PPP1R21: variants seen among roughly 807,000 people sequenced by gnomAD.
PPP1R21 encodes the protein protein phosphatase 1 regulatory subunit 21.
In PPP1R21, 85 loss-of-function variants were observed where a neutral mutation model predicts 112.8. The observed-to-expected ratio is 0.75, with a 90% CI of 0.63 to 0.90. The LOEUF is 0.90. Ranked by LOEUF, PPP1R21 falls within the 40% of genes least tolerant of loss-of-function variation. The probability of loss-of-function intolerance (pLI) is 0.00; values close to 1 mark genes in which losing one functional copy is unlikely to be tolerated. For missense variants in PPP1R21, 1,199 were observed against 901.5 expected (o/e 1.33, Z -4.23); for synonymous variants, 381 against 322.3 (o/e 1.18, Z -1.95).
At chr2:48,498,848 C>T in intron 17 of PPP1R21, 113 bp downstream of exon 17, 1 of 1,083,300 alleles carries the variant, frequency 9.2e-7, no homozygotes, top group Non-Finnish European at 1.3e-6. Context: ...TATCAAAATA[C>T]CATAAGCTGA....
intron 2 of PPP1R21, among the ~76,000 whole-genome samples, chr2:48,451,734 T>TGCC (rs1667474541): frequency 6.6e-6 from 1 of 152,186 alleles, no homozygotes; most frequent in Admixed American, 6.5e-5. Flanking sequence ...AAGTTTCAGT[T>TGCC]AAATATACTG....
chr2:48,495,527 CT>C, intron 15 of PPP1R21, 151 bp from the exon 16 acceptor site: 3 of 558,410 alleles, frequency 5.4e-6, no homozygotes. Flanking sequence ...AAAAAATTAT[CT>C]TCGTTTTCAC....
At chr2:48,477,023 C>A (rs962884163) in intron 12 of PPP1R21, among the ~76,000 whole-genome samples, 1 of 150,596 alleles carries the variant, frequency 6.6e-6, no homozygotes, top group Non-Finnish European at 1.5e-5. Context: ...GCTGTCAAAT[C>A]TGAGGTTATG....
At chr2:48,497,277 T>C (rs922603145) in intron 16 of PPP1R21, among the ~76,000 whole-genome samples, 1 of 152,194 alleles carries the variant, frequency 6.6e-6, no homozygotes, top group Non-Finnish European at 1.5e-5. Flanking sequence ...CCCCACATAT[T>C]TTGGGGTCAC....
chr2:48,513,995 T>C (rs1670755770), intron 21 of PPP1R21, among the ~76,000 whole-genome samples: 1 of 152,116 alleles, frequency 6.6e-6, no homozygotes, highest in African/African-American at 2.4e-5. Flanking sequence ...TGGGTGTTAG[T>C]TAGCACATAT....
At chr2:48,463,260 C>G (rs1234234282) in intron 7 of PPP1R21, among the ~76,000 whole-genome samples, 1 of 152,018 alleles carries the variant, frequency 6.6e-6, no homozygotes, top group Non-Finnish European at 1.5e-5. Context: ...GATCAGGAGG[C>G]AGAGGGGAGC....
intron 13 of PPP1R21, among the ~76,000 whole-genome samples, chr2:48,481,207 T>G (rs10209255): frequency 0.14 from 21,521 of 152,226 alleles, 2,031 homozygotes; most frequent in East Asian, 0.48. Flanking sequence ...CAGGCTGGTC[T>G]TGAACTCCTG....
intron 21 of PPP1R21, among the ~76,000 whole-genome samples, 162 bp downstream of exon 21, chr2:48,511,630 G>A (rs1670647314): frequency 6.6e-6 from 1 of 152,000 alleles, no homozygotes; most frequent in African/African-American, 2.4e-5. Context: ...GGGAGGCTGA[G>A]GTGGGAGGAT....
At chr2:48,441,414 C>T (rs899047120) in intron 1 of PPP1R21, 11 of 290,914 alleles carry the variant, frequency 3.8e-5, no homozygotes, top group African/African-American at 1.9e-4. Context: ...TTCTCCCCTC[C>T]CACAGGGATG....
intron 16 of PPP1R21, among the ~76,000 whole-genome samples, chr2:48,497,737 C>T (rs993363466): frequency 4.0e-5 from 6 of 151,278 alleles, no homozygotes; most frequent in African/African-American, 9.7e-5. Context: ...CTGCAAACTC[C>T]GCCTCCTGGG....
At chr2:48,461,918 C>G (rs1260465038) in intron 7 of PPP1R21, among the ~76,000 whole-genome samples, 2 of 151,304 alleles carry the variant, frequency 1.3e-5, no homozygotes, top group African/African-American at 4.9e-5. Flanking sequence ...TAGGGAAGAC[C>G]TAAAAAAAGA....
chr2:48,476,060 T>C (rs1281289505), intron 12 of PPP1R21, among the ~76,000 whole-genome samples: 1 of 152,156 alleles, frequency 6.6e-6, no homozygotes, highest in Non-Finnish European at 1.5e-5. Context: ...TGGAACACTT[T>C]TATCACCCAT....
chr2:48,486,514 C>G, intron 13 of PPP1R21, 117 bp from the exon 14 acceptor site: 1 of 768,436 alleles, frequency 1.3e-6, no homozygotes, highest in Non-Finnish European at 2.1e-6. Flanking sequence ...TGAGACCATT[C>G]TTTGTCAAAT....
At chr2:48,499,359 ATAAAAACATTTGTAATATGGGGTTATTAT>A (rs1467329025) in intron 17 of PPP1R21, among the ~76,000 whole-genome samples, 1 of 152,218 alleles carries the variant, frequency 6.6e-6, no homozygotes, top group Non-Finnish European at 1.5e-5. Flanking sequence ...CTGTTTTTCC[ATAAAAACATTTGTAATATGGGGTTATTAT>A]GTTTCTAACA....
intron 4 of PPP1R21, 131 bp from the exon 5 acceptor site, chr2:48,459,623 C>A: frequency 3.3e-6 from 3 of 899,358 alleles, no homozygotes; most frequent in Non-Finnish European, 5.0e-6. Flanking sequence ...TGAGATAATG[C>A]CTGTGTGGGT....
Position 48,451,091 on chromosome 2 carries a change from A to ATTTGTGTTGT in PPP1R21, c.126+16_126+25dup. 6.2e-7 allele frequency: 1 copy of ATTTGTGTTGT among 1,607,988 alleles called. No homozygotes were observed. Among genetic ancestry groups the ATTTGTGTTGT allele is most frequent in the South Asian group, 1.1e-5 (1 of 90,932 alleles). ...CAGCTTTAAAGGTGGGCAACAGGAT[A>ATTTGTGTTGT]TTTGTGTTGTGAGGGTTAAGTTAGC... On this transcript the variant is annotated intron_variant, in intron 2 of 21. Coordinates refer to ENST00000294952, the MANE Select transcript of PPP1R21 (RefSeq NM_001135629.3).
In PPP1R21 at chr2:48,440,879, A is replaced by C; in HGVS notation, c.-75A>C. On this transcript the variant is annotated 5_prime_UTR_variant, in exon 1 of 22. Coordinates refer to ENST00000294952, the MANE Select transcript of PPP1R21 (RefSeq NM_001135629.3). ...AGATACTGCCTGACCCGTTCCCGGG[A>C]GCGTGTCTGGGTTTGGGGGCGGGAG... 1 of 934,072 alleles carries C rather than the reference A, an allele frequency of 1.1e-6. No individual in the cohort carries two copies. The highest frequency in any genetic ancestry group is 1.6e-6 in the Non-Finnish European group (1 of 638,860). The allele number at this position is 934,072 out of a possible 1,614,324, so 57.9% of individuals were successfully genotyped here.
At chr2:48,451,516 T>C (rs1279857862) in intron 2 of PPP1R21, among the ~76,000 whole-genome samples, 1 of 152,166 alleles carries the variant, frequency 6.6e-6, no homozygotes, top group Non-Finnish European at 1.5e-5. Context: ...TGCCTTTAGT[T>C]GAGTTATTTA....
At chr2:48,501,964 C>T (rs933822467) in intron 17 of PPP1R21, 1 of 152,082 alleles carries the variant, frequency 6.6e-6, no homozygotes, top group Non-Finnish European at 1.5e-5. Context: ...CATTTTTGAG[C>T]AGGGACCATG....
Sources: allele counts gnomAD v4.1 joint callset (sites outside exome capture counted in the v4.1 genomes callset), GRCh38; gene constraint gnomAD v4.1.1; transcripts MANE v1.5; gene names NCBI Gene and HGNC (gene_info 2026-07-23, HGNC 2026-07-21).